Variants in ZDHHC20 observed in about 807,000 individuals in gnomAD.
ZDHHC20 encodes zDHHC palmitoyltransferase 20, also known as palmitoyltransferase ZDHHC20.
ZDHHC20 carries 43 observed loss-of-function variants against 57.8 expected under a neutral mutation model. That is an observed-to-expected ratio of 0.74 (90% confidence interval 0.58 to 0.96). The LOEUF (loss-of-function observed/expected upper bound fraction) is 0.96. Among genes scored for constraint, ZDHHC20 ranks in the 40% least tolerant of loss-of-function variants. The pLI is 0.00. For synonymous variants in ZDHHC20, 157 were observed against 153.0 expected, an observed-to-expected ratio of 1.03 and a Z score of -0.19; for missense variants, 391 against 441.1, an observed-to-expected ratio of 0.89 and a Z score of 1.02.
intron 4 of ZDHHC20, chr13:21,404,294 C>CCTGT (rs1473545977): frequency 4.0e-6 from 2 of 498,668 alleles, no homozygotes. Context: ...GCCGACTTCC[C>CCTGT]CTGTCCAGCT....
At chr13:21,456,386 G>GAGT (rs1884931811) in intron 1 of ZDHHC20, among the ~76,000 whole-genome samples, 1 of 151,944 alleles carries the variant, frequency 6.6e-6, no homozygotes, top group Non-Finnish European at 1.5e-5. Context: ...CTCCAGCCTG[G>GAGT]GCAACAAGAG....
At position 21,378,649 on chromosome 13, in the gene ZDHHC20, A is replaced by G; in HGVS notation, c.*40+12T>C. 7.4e-7 allele frequency: 1 copy of G among 1,343,200 alleles called. No homozygotes were observed. The highest frequency in any genetic ancestry group is 9.8e-7 in the Non-Finnish European group (1 of 1,023,966). The allele number at this position is 1,343,200 out of a possible 1,614,324, so 83.2% of individuals were successfully genotyped here. On this transcript the variant is annotated intron_variant, in intron 12 of 12. Transcript: ENST00000400590. Reference sequence around the variant, plus strand: ...CTGCATTTATTCAAGGATTACCTTTATACTGTCTTACCTTGCTCTTATTCA... The same window carrying G: ...CTGCATTTATTCAAGGATTACCTTTGTACTGTCTTACCTTGCTCTTATTCA...
chr13:21,447,207 G>A (rs1277527164), intron 1 of ZDHHC20, among the ~76,000 whole-genome samples: 2 of 142,130 alleles, frequency 1.4e-5, no homozygotes, highest in African/African-American at 5.3e-5. Flanking sequence ...GGTGCGGGCT[G>A]TGAGAGAGGG....
intron 4 of ZDHHC20, among the ~76,000 whole-genome samples, chr13:21,403,642 G>A (rs879448895): frequency 6.6e-6 from 1 of 152,174 alleles, no homozygotes; most frequent in Non-Finnish European, 1.5e-5. Flanking sequence ...AAAGAAGCAA[G>A]TTAGTGAGTC....
intron 1 of ZDHHC20, among the ~76,000 whole-genome samples, chr13:21,456,098 A>C (rs562338484): frequency 6.6e-6 from 1 of 152,334 alleles, no homozygotes; most frequent in Admixed American, 6.5e-5. Context: ...TTGATAAAGA[A>C]TACCAGAATC....
At chr13:21,396,862 A>T (rs1352489834) in intron 7 of ZDHHC20, among the ~76,000 whole-genome samples, 1 of 151,634 alleles carries the variant, frequency 6.6e-6, no homozygotes, top group Non-Finnish European at 1.5e-5. Context: ...AAGAAAACTC[A>T]GAAAATGTGG....
intron 12 of ZDHHC20, 150 bp from the exon 13 acceptor site, chr13:21,376,805 A>G (rs1290049141): frequency 2.2e-6 from 1 of 452,634 alleles, no homozygotes; most frequent in Non-Finnish European, 3.9e-6. Context: ...ATAACAATAA[A>G]GATTTTTGTA....
At chr13:21,458,261 G>T (rs754741053) in intron 1 of ZDHHC20, among the ~76,000 whole-genome samples, 8 of 152,002 alleles carry the variant, frequency 5.3e-5, no homozygotes, top group Non-Finnish European at 7.4e-5. Context: ...TTTTTCCAGG[G>T]AATCAGATGA....
intron 4 of ZDHHC20, among the ~76,000 whole-genome samples, chr13:21,407,839 C>T (rs1011620327): frequency 5.9e-5 from 9 of 152,202 alleles, no homozygotes; most frequent in Non-Finnish European, 7.3e-5. Context: ...CTGCATGTGG[C>T]TAGCCAGTTT....
chr13:21,374,239 T>C lies in ZDHHC20; in HGVS notation c.*2457A>G. 1 of 269,756 alleles carries C rather than the reference T, an allele frequency of 3.7e-6. No homozygotes were observed. Among genetic ancestry groups the C allele is most frequent in the Admixed American group, 4.0e-5 (1 of 25,090 alleles). 16.7% of individuals were successfully genotyped at this position (269,756 alleles called of 1,614,324 possible). The stretch of plus-strand genomic sequence containing the variant: ...AGTTGGTAATTGATATATATATATA[T>C]TTTTGAGATGGAGTTTCACTCGTCG... On this transcript the variant is annotated 3_prime_UTR_variant, in exon 13 of 13. Transcript: ENST00000400590.
At chr13:21,435,205 T>C (rs1027440846) in intron 1 of ZDHHC20, among the ~76,000 whole-genome samples, 2 of 152,114 alleles carry the variant, frequency 1.3e-5, no homozygotes, top group Non-Finnish European at 2.9e-5. Context: ...ATTTTTTTTT[T>C]CCTGTGAAAC....
chr13:21,403,381 T>TTATTATTTTGAATAAAAACTTAG (rs1877984310), intron 4 of ZDHHC20, among the ~76,000 whole-genome samples: 2 of 152,206 alleles, frequency 1.3e-5, no homozygotes, highest in Admixed American at 6.5e-5. Flanking sequence ...AACTCTGAAT[T>TTATTATTTTGAATAAAAACTTAG]GTTTTCCACT....
chr13:21,412,594 G>A (rs575420916), intron 4 of ZDHHC20, among the ~76,000 whole-genome samples: 1 of 152,196 alleles, frequency 6.6e-6, no homozygotes, highest in African/African-American at 2.4e-5. Flanking sequence ...GAGAATGAAA[G>A]CCCGTTGCCT....
At chr13:21,381,273 T>G (rs1018865463) in intron 11 of ZDHHC20, among the ~76,000 whole-genome samples, 161 bp downstream of exon 11, 1 of 152,156 alleles carries the variant, frequency 6.6e-6, no homozygotes, top group African/African-American at 2.4e-5. Flanking sequence ...CCCAAAGTGT[T>G]GGGATTACAG....
At chr13:21,429,938 T>TC (rs1881723188) in intron 1 of ZDHHC20, among the ~76,000 whole-genome samples, 2 of 152,220 alleles carry the variant, frequency 1.3e-5, no homozygotes, top group African/African-American at 4.8e-5. Context: ...TTTAAAAATC[T>TC]CCATCTGGTT....
chr13:21,454,707 A>G (rs1162141774), intron 1 of ZDHHC20, among the ~76,000 whole-genome samples: 1 of 152,226 alleles, frequency 6.6e-6, no homozygotes, highest in Non-Finnish European at 1.5e-5. Context: ...ATACTTCAGA[A>G]TCAACAGTGT....
At chr13:21,395,336 G>T (rs940338889) in intron 7 of ZDHHC20, among the ~76,000 whole-genome samples, 1 of 151,846 alleles carries the variant, frequency 6.6e-6, no homozygotes, top group Non-Finnish European at 1.5e-5. Context: ...AAAGTGCTGG[G>T]ATTACAGGTG....
At chr13:21,389,855 C>A (rs970158081) in intron 8 of ZDHHC20, among the ~76,000 whole-genome samples, 1 of 152,152 alleles carries the variant, frequency 6.6e-6, no homozygotes, top group African/African-American at 2.4e-5. Flanking sequence ...AAATCACTCA[C>A]ATAGATTTTA....
intron 4 of ZDHHC20, 84 bp from the exon 5 acceptor site, chr13:21,402,950 A>G (rs1180456414): frequency 9.5e-7 from 1 of 1,047,502 alleles, no homozygotes; most frequent in Non-Finnish European, 1.4e-6. Context: ...TCTAAAAAAA[A>G]TAACTCTGGG....
Sources: gnomAD v4.1 joint callset for allele counts (sites outside exome capture counted in the v4.1 genomes callset) on GRCh38, gnomAD v4.1.1 for gene constraint, MANE v1.5 for transcripts, NCBI Gene and HGNC (gene_info 2026-07-23, HGNC 2026-07-21) for gene names.